Variants in ASIC2 observed in about 807,000 individuals in gnomAD.
ASIC2 encodes the protein acid sensing ion channel subunit 2.
A neutral mutation model predicts 57.3 loss-of-function variants in ASIC2; 25 were observed. The ratio of observed to expected loss-of-function variants is 0.44; its 90% CI spans 0.32 to 0.61. ASIC2 has a LOEUF of 0.61. ASIC2 is among the 20% of genes least tolerant of loss of function. The pLI is 0.06. For missense variants in ASIC2, 641 were observed against 738.1 expected, an observed-to-expected ratio of 0.87 and a Z score of 1.52; for synonymous variants, 319 against 307.5, an observed-to-expected ratio of 1.04 and a Z score of -0.39.
At chr17:33,200,746 T>C (rs1906826088) in intron 1 of ASIC2, among the ~76,000 whole-genome samples, 1 of 152,180 alleles carries the variant, frequency 6.6e-6, no homozygotes, top group Non-Finnish European at 1.5e-5. Flanking sequence ...CCCCCTGCAG[T>C]TTATTCCCAG....
intron 1 of ASIC2, among the ~76,000 whole-genome samples, chr17:34,097,055 C>G (rs1269884779): frequency 6.6e-6 from 1 of 151,906 alleles, no homozygotes; most frequent in Non-Finnish European, 1.5e-5. Flanking sequence ...AATAATAATA[C>G]TCTCTAAGCA....
intron 1 of ASIC2, among the ~76,000 whole-genome samples, chr17:33,139,148 A>G (rs1408711642): frequency 1.3e-5 from 2 of 152,090 alleles, no homozygotes. Context: ...TTCTTCCATC[A>G]TCTTTGCCCT....
At chr17:34,001,237 C>T (rs1047057570) in intron 1 of ASIC2, 1 of 152,216 alleles carries the variant, frequency 6.6e-6, no homozygotes, top group Non-Finnish European at 1.5e-5. Context: ...AAGTTAATCT[C>T]TTCACCAGCT....
intron 1 of ASIC2, among the ~76,000 whole-genome samples, chr17:33,363,507 G>A (rs138153718): frequency 1.3e-5 from 2 of 152,334 alleles, no homozygotes; most frequent in African/African-American, 2.4e-5. Flanking sequence ...CTTTGTTCAT[G>A]AGGCAGTGTT....
At chr17:33,467,281 T>C (rs1056826975) in intron 1 of ASIC2, among the ~76,000 whole-genome samples, 2 of 152,164 alleles carry the variant, frequency 1.3e-5, no homozygotes, top group Non-Finnish European at 2.9e-5. Flanking sequence ...ATGGGTGAAT[T>C]CAGAGACAAT....
chr17:33,515,079 G>A (rs1158448100), intron 1 of ASIC2, among the ~76,000 whole-genome samples: 3 of 152,234 alleles, frequency 2.0e-5, no homozygotes, highest in Non-Finnish European at 4.4e-5. Flanking sequence ...GAATAAAGGA[G>A]TAAAAGAATG....
intron 1 of ASIC2, among the ~76,000 whole-genome samples, chr17:33,807,500 C>T (rs1912301041): frequency 6.6e-6 from 1 of 152,184 alleles, no homozygotes; most frequent in Non-Finnish European, 1.5e-5. Flanking sequence ...ACACAAAACA[C>T]CTGGAGAAAG....
At chr17:33,277,376 G>A (rs950183289) in intron 1 of ASIC2, among the ~76,000 whole-genome samples, 1 of 152,186 alleles carries the variant, frequency 6.6e-6, no homozygotes, top group Non-Finnish European at 1.5e-5. Flanking sequence ...TACCAGCTGG[G>A]TAACCTCGGG....
At chr17:33,514,067 A>G (rs1914499994) in intron 1 of ASIC2, among the ~76,000 whole-genome samples, 1 of 152,136 alleles carries the variant, frequency 6.6e-6, no homozygotes, top group Non-Finnish European at 1.5e-5. Context: ...CATCACTCCC[A>G]TTTGGCAGGG....
At chr17:34,109,030 ATTTAT>A (rs1232318422) in intron 1 of ASIC2, among the ~76,000 whole-genome samples, 7 of 48,404 alleles carry the variant, frequency 1.4e-4, no homozygotes, top group East Asian at 6.7e-4. Context: ...TTATTTGTTG[ATTTAT>A]TTTATTTTAT....
At chr17:33,242,041 A>G (rs983724776) in intron 1 of ASIC2, among the ~76,000 whole-genome samples, 7 of 152,224 alleles carry the variant, frequency 4.6e-5, no homozygotes, top group Non-Finnish European at 8.8e-5. Context: ...TATTCTGGCC[A>G]GGTGCAGTGG....
intron 1 of ASIC2, among the ~76,000 whole-genome samples, chr17:33,739,291 G>C (rs1001965852): frequency 1.3e-5 from 2 of 152,162 alleles, no homozygotes. Context: ...CAAAAAGAGG[G>C]GATTTGAGTC....
chr17:33,095,472 A>C (rs898537201), intron 2 of ASIC2, among the ~76,000 whole-genome samples: 3 of 152,240 alleles, frequency 2.0e-5, no homozygotes, highest in African/African-American at 7.2e-5. Context: ...GTAGGAACTC[A>C]AAAATGCTTG....
At chr17:33,102,053 CT>C (rs2092214061) in intron 2 of ASIC2, among the ~76,000 whole-genome samples, 1 of 152,106 alleles carries the variant, frequency 6.6e-6, no homozygotes, top group Admixed American at 6.5e-5. Flanking sequence ...CTCTCCAGGC[CT>C]CCTGTGCAAC....
At chr17:33,280,725 A>G (rs1904909833) in intron 1 of ASIC2, among the ~76,000 whole-genome samples, 1 of 152,188 alleles carries the variant, frequency 6.6e-6, no homozygotes, top group African/African-American at 2.4e-5. Flanking sequence ...CATGCGTCTC[A>G]CTCCAGAGCC....
chr17:33,518,791 A>C (rs1914648445), intron 1 of ASIC2, among the ~76,000 whole-genome samples: 1 of 151,934 alleles, frequency 6.6e-6, no homozygotes, highest in Admixed American at 6.6e-5. Flanking sequence ...ACATTAACTG[A>C]TTTAATCCCA....
intron 1 of ASIC2, among the ~76,000 whole-genome samples, chr17:33,509,249 T>C (rs1256323295): frequency 6.6e-6 from 1 of 152,134 alleles, no homozygotes; most frequent in Non-Finnish European, 1.5e-5. Context: ...GACTTTAGCA[T>C]GTAGGTAATG....
chr17:33,490,494 G>A (rs1252522354), intron 1 of ASIC2, among the ~76,000 whole-genome samples: 1 of 152,214 alleles, frequency 6.6e-6, no homozygotes, highest in African/African-American at 2.4e-5. Context: ...GGTGGGGCCA[G>A]GTGGAGATAA....
intron 1 of ASIC2, among the ~76,000 whole-genome samples, chr17:33,175,908 C>T (rs1338894238): frequency 6.6e-6 from 1 of 152,140 alleles, no homozygotes; most frequent in South Asian, 2.1e-4. Flanking sequence ...TTTGACATCC[C>T]TCCCCACTGT....
Sources: gnomAD v4.1 joint callset for allele counts (sites outside exome capture counted in the v4.1 genomes callset) on GRCh38, gnomAD v4.1.1 for gene constraint, MANE v1.5 for transcripts, NCBI Gene and HGNC (gene_info 2026-07-23, HGNC 2026-07-21) for gene names.